PCDHA1: variants seen among roughly 807,000 people sequenced by gnomAD.
PCDHA1 encodes the protein protocadherin alpha-1.
Under a neutral mutation model 61.3 loss-of-function variants are expected in PCDHA1, and 42 were observed. That is an observed-to-expected ratio of 0.69 (90% CI 0.54 to 0.89). The LOEUF is 0.89. Ranked by LOEUF, PCDHA1 falls within the 40% of genes least tolerant of loss-of-function variation. The pLI, the probability that PCDHA1 is intolerant of heterozygous loss-of-function variation, is 0.00. For synonymous variants in PCDHA1, 610 were observed against 553.8 expected (o/e 1.10, Z -1.43); for missense variants, 1,256 against 1,235.3 (o/e 1.02, Z -0.25).
At chr5:140,805,440 T>C (rs1763570370) in intron 1 of PCDHA1, 19 of 1,049,118 alleles carry the variant, frequency 1.8e-5, no homozygotes, top group Non-Finnish European at 2.2e-5. Context: ...TTGGTTTTTG[T>C]GTGTGTGTGT....
intron 1 of PCDHA1, chr5:140,884,138 G>T (rs782798249): frequency 6.2e-7 from 1 of 1,613,410 alleles, no homozygotes; most frequent in Admixed American, 1.7e-5. Context: ...CCCGTTCCGC[G>T]TGGGGCTGTA....
At chr5:140,862,584 G>A (rs2047434517) in intron 1 of PCDHA1, 1 of 495,742 alleles carries the variant, frequency 2.0e-6, no homozygotes, top group South Asian at 1.6e-5. Context: ...CGTTCCAGCA[G>A]CCCGAGTACA....
In PCDHA1 at chr5:140,786,848, T is replaced by C; in HGVS notation, c.558T>C (p.Asp186=). ...DYFSLDVEAS[D]ELSKSLWLEL... Reference sequence around the variant, plus strand: ...TCTCTTTGGATGTAGAGGCAAGTGATGAACTGAGTAAATCTCTTTGGCTTG... The same window carrying C: ...TCTCTTTGGATGTAGAGGCAAGTGACGAACTGAGTAAATCTCTTTGGCTTG... Residue 186 remains aspartate, a synonymous_variant, in exon 1 of 4, where the codon GAT becomes GAC. Coordinates refer to ENST00000504120, the MANE Select transcript of PCDHA1 (RefSeq NM_018900.4). 1 of 1,614,194 alleles carries C rather than the reference T, an allele frequency of 6.2e-7. No homozygotes were observed. Among genetic ancestry groups the C allele is most frequent in the Non-Finnish European group, 8.5e-7 (1 of 1,180,028 alleles).
chr5:140,919,558 TAA>T (rs879969388), intron 1 of PCDHA1, among the ~76,000 whole-genome samples: 1 of 152,210 alleles, frequency 6.6e-6, no homozygotes, highest in Non-Finnish European at 1.5e-5. Flanking sequence ...TGATTTATAT[TAA>T]GTGAATATTT....
chr5:140,896,902 G>C (rs1427098120), intron 1 of PCDHA1, among the ~76,000 whole-genome samples: 1 of 152,044 alleles, frequency 6.6e-6, no homozygotes, highest in Non-Finnish European at 1.5e-5. Context: ...TTTGATACAA[G>C]CATGCAATGC....
At chr5:141,002,565 G>A (rs782803550) in intron 3 of PCDHA1, among the ~76,000 whole-genome samples, 9 of 152,196 alleles carry the variant, frequency 5.9e-5, no homozygotes, top group Non-Finnish European at 2.9e-5. Flanking sequence ...ACCAGTTAGT[G>A]ACCATGTGAC....
chr5:140,838,179 T>A (rs1554136904), intron 1 of PCDHA1, among the ~76,000 whole-genome samples: 1 of 150,072 alleles, frequency 6.7e-6, no homozygotes, highest in East Asian at 2.0e-4. Context: ...AGTGGTGCAA[T>A]CTCAGCTCAC....
At chr5:140,998,903 G>A (rs1465203456) in intron 3 of PCDHA1, among the ~76,000 whole-genome samples, 9 of 152,156 alleles carry the variant, frequency 5.9e-5, no homozygotes, top group African/African-American at 1.7e-4. Flanking sequence ...CAATGCCTCC[G>A]GGAGGTAGCT....
rs1417383737 is a variant in PCDHA1 at position 140,786,927 on chromosome 5, A to T, written c.637A>T (p.Thr213Ser). Residue 213 changes from threonine to serine, a missense_variant, in exon 1 of 4, where the codon ACT becomes TCT. Coordinates refer to ENST00000504120, the MANE Select transcript of PCDHA1 (RefSeq NM_018900.4). ...EETPELHLLL[T>S]ATDGGKPELQ... is the part of the protein sequence containing the mutation. ...AACACCAGAACTTCACTTATTACTG[A>T]CTGCCACTGATGGGGGCAAACCGGA... 1.2e-6 allele frequency: 2 copies of T among 1,614,020 alleles called. No homozygotes were observed. Among genetic ancestry groups the T allele is most frequent in the Non-Finnish European group, 1.7e-6 (2 of 1,180,028 alleles).
chr5:140,817,146 C>T (rs2126678028), intron 1 of PCDHA1: 109 of 152,324 alleles, frequency 7.2e-4, no homozygotes, highest in African/African-American at 2.5e-3. Flanking sequence ...TGCCAGGTTC[C>T]ATCAGTGCTC....
chr5:140,876,827 C>G, intron 1 of PCDHA1: 1 of 1,614,182 alleles, frequency 6.2e-7, no homozygotes, highest in Non-Finnish European at 8.5e-7. Flanking sequence ...AACGACAATG[C>G]GCCTGCGTTC....
chr5:140,846,941 G>T (rs1422705277), intron 1 of PCDHA1, among the ~76,000 whole-genome samples: 2 of 149,652 alleles, frequency 1.3e-5, no homozygotes, highest in Admixed American at 1.3e-4. Flanking sequence ...AGAAATACTT[G>T]AAGGGGCATG....
At chr5:140,833,704 G>A (rs181961427) in intron 1 of PCDHA1, among the ~76,000 whole-genome samples, 1 of 152,174 alleles carries the variant, frequency 6.6e-6, no homozygotes, top group East Asian at 1.9e-4. Context: ...GTTTTCCCAA[G>A]AGAAGTGTCT....
intron 1 of PCDHA1, among the ~76,000 whole-genome samples, chr5:140,948,886 T>C (rs892848820): frequency 6.6e-6 from 1 of 151,684 alleles, no homozygotes; most frequent in Non-Finnish European, 1.5e-5. Context: ...TGCTCTCTTT[T>C]AGATTTTAAG....
chr5:140,798,731 T>G (rs782538349), intron 1 of PCDHA1, among the ~76,000 whole-genome samples: 9 of 152,240 alleles, frequency 5.9e-5, no homozygotes, highest in Non-Finnish European at 1.2e-4. Flanking sequence ...ACATTTTCAC[T>G]TGAAACATTT....
Position 140,833,676 on chromosome 5 carries a change from C to T in PCDHA1, c.2394+44992C>T, listed in dbSNP as rs2150210377. On this transcript the variant is annotated intron_variant, in intron 1 of 3. Coordinates refer to ENST00000504120, the MANE Select transcript of PCDHA1 (RefSeq NM_018900.4). ...AAATTCTTCCCCTTCAAAGATTCCC[C>T]AAACCTTCTCTTATTTTGTTTTCCC... Among the ~76,000 whole-genome samples, 6 of 152,216 alleles carry T rather than the reference C, an allele frequency of 3.9e-5. No homozygotes were observed. In the Middle Eastern group the frequency reaches 0.014, roughly 345 times the overall value.
chr5:141,004,403 C>T (rs1424370254), intron 3 of PCDHA1, among the ~76,000 whole-genome samples: 1 of 152,166 alleles, frequency 6.6e-6, no homozygotes, highest in Non-Finnish European at 1.5e-5. Flanking sequence ...GGAGGAGGCA[C>T]CTGACTAGAT....
At chr5:140,895,862 A>T (rs1199310977) in intron 1 of PCDHA1, among the ~76,000 whole-genome samples, 1 of 152,136 alleles carries the variant, frequency 6.6e-6, no homozygotes, top group Non-Finnish European at 1.5e-5. Context: ...CCCAGGCTGG[A>T]GTGCAATGGC....
intron 1 of PCDHA1, chr5:140,807,583 G>A: frequency 1.9e-6 from 3 of 1,614,178 alleles, no homozygotes; most frequent in Non-Finnish European, 2.5e-6. Flanking sequence ...ACCCGCCGGT[G>A]TTCCCAGCAA....
Sources: allele counts gnomAD v4.1 joint callset (sites outside exome capture counted in the v4.1 genomes callset), GRCh38; gene constraint gnomAD v4.1.1; transcripts MANE v1.5; gene names NCBI Gene and HGNC (gene_info 2026-07-23, HGNC 2026-07-21).